FANCI: variants seen among roughly 807,000 people sequenced by gnomAD.
The protein encoded by FANCI is FA complementation group I.
FANCI carries 156 observed loss-of-function variants against 176.1 expected under a neutral mutation model. The ratio of observed to expected loss-of-function variants is 0.89; its 90% CI spans 0.78 to 1.01. The LOEUF is 1.01. Ranked by LOEUF, FANCI falls within the 50% of genes least tolerant of loss-of-function variation. The probability of loss-of-function intolerance (pLI) is 0.00; values close to 1 mark genes in which losing one functional copy is unlikely to be tolerated. For missense variants in FANCI, 1,678 were observed against 1,534.1 expected (o/e 1.09, Z -1.57); for synonymous variants, 613 against 541.7 (o/e 1.13, Z -1.83).
intron 22 of FANCI, 55 bp downstream of exon 22, chr15:89,293,118 C>T (rs1438019380): frequency 1.3e-6 from 2 of 1,583,078 alleles, no homozygotes; most frequent in African/African-American, 1.3e-5. Flanking sequence ...ATTTTATTTA[C>T]ATATTTTTAC....
At position 89,306,180 on chromosome 15, in the gene FANCI, G is replaced by C. The variant is rs1216707895; in HGVS notation, c.3523G>C (p.Ala1175Pro). 6.2e-7 allele frequency: 1 copy of C among 1,614,082 alleles called. No individual in the cohort carries two copies. Among genetic ancestry groups the C allele is most frequent in the South Asian group, 1.1e-5 (1 of 91,086 alleles). Residue 1175 changes from alanine to proline, a missense_variant, in exon 32 of 38, where the codon GCC becomes CCC. Physicochemically the swap from Ala to Pro is conservative, Grantham distance 27. Around this residue, in one of 3 missense-constraint regions of FANCI, gnomAD observed 1,204 missense variants for 1,077.4 expected, o/e 1.12. Transcript: ENST00000310775. ...DLCKMYTTLTALVRYYLQVCQ... is the reference protein window; with the variant it reads ...DLCKMYTTLTPLVRYYLQVCQ... Reference sequence around the variant, plus strand: ...GTGCAAAATGTACACCACACTTACAGCCCTTGTCAGATATGTGAGTATTTG... The same window carrying C: ...GTGCAAAATGTACACCACACTTACACCCCTTGTCAGATATGTGAGTATTTG...
intron 13 of FANCI, among the ~76,000 whole-genome samples, chr15:89,277,630 A>AT (rs34388635): frequency 6.8e-6 from 1 of 146,180 alleles, no homozygotes; most frequent in Non-Finnish European, 1.5e-5. Context: ...AAAAAAAAAA[A>AT]AAGAATCATA....
At position 89,312,816 on chromosome 15, in the gene FANCI, TAA is replaced by T. The variant is rs11321073; in HGVS notation, c.3652-70_3652-69del. The T allele has an allele frequency of 0.12, 104,277 of 839,234 alleles. 175 individuals are homozygous for T. The highest frequency in any genetic ancestry group is 0.18 in the East Asian group (6,094 of 33,190). The allele number at this position is 839,234 out of a possible 1,614,324, so 52.0% of individuals were successfully genotyped here. A position where few individuals can be genotyped will look rare whatever the true frequency, so the allele number is the denominator to read the frequency against. ...CCTGGGTGACAGCAAAGCTCTGTCT[TAA>T]AAAAAAAAAAAAAAAAATTAGCACT... On this transcript the variant is annotated intron_variant, in intron 34 of 37. Transcript: ENST00000310775.
chr15:89,312,958 G>A lies in FANCI; in HGVS notation c.3706G>A (p.Val1236Ile), dbSNP rs377165815. ...TGEKKEKPAA[V>I]ATAMARVLRE... is the part of the protein sequence containing the mutation. ...AGAGAAAAAGGAGAAACCTGCTGCC[G>A]TTGCCACAGCCATGGTAAGCTGCTG... is the stretch of plus-strand genomic sequence containing the variant. The change falls in exon 35 of 38, where the codon GTT (valine) becomes ATT (isoleucine). Residue 1236 changes from valine to isoleucine, a missense_variant. Coordinates refer to ENST00000310775, the MANE Select transcript of FANCI (RefSeq NM_001113378.2). 244 of 1,613,888 alleles carry A rather than the reference G, an allele frequency of 1.5e-4. No homozygotes were observed. Among genetic ancestry groups the A allele is most frequent in the East Asian group, 4.5e-4 (20 of 44,888 alleles).
intron 6 of FANCI, among the ~76,000 whole-genome samples, chr15:89,262,087 A>G (rs1436981393): frequency 6.6e-6 from 1 of 152,160 alleles, no homozygotes; most frequent in East Asian, 1.9e-4. Flanking sequence ...ATATAGTTTT[A>G]TTTGCTTGAC....
At chr15:89,245,352 T>A (rs919713185) in intron 1 of FANCI, 1 of 129,518 alleles carries the variant, frequency 7.7e-6, no homozygotes, top group Non-Finnish European at 1.6e-5. Context: ...TTTTTTTTTT[T>A]TTTTTTTTTT....
chr15:89,291,902 G>A (rs375810561), intron 20 of FANCI, among the ~76,000 whole-genome samples, 188 bp downstream of exon 20: 3 of 152,144 alleles, frequency 2.0e-5, no homozygotes, highest in East Asian at 3.8e-4. Flanking sequence ...TTATCTCCAT[G>A]TTAGCCCTTT....
rs571061651 is a variant in FANCI at position 89,294,893 on chromosome 15, C to T, written c.2457-22C>T. On this transcript the variant is annotated intron_variant, in intron 23 of 37. Transcript: ENST00000310775. ...AGTAAGGGAATCTTCCTTTTTCTTT[C>T]TCTCTCTCTGTCTCTCTCTAGGGAT... 48 of 1,530,428 alleles carry T rather than the reference C, an allele frequency of 3.1e-5. No individual in the cohort carries two copies. In the Admixed American group the frequency reaches 3.2e-4, roughly 10 times the overall value. 94.8% of individuals were successfully genotyped at this position (1,530,428 alleles called of 1,614,324 possible). A position where few individuals can be genotyped will look rare whatever the true frequency, so the allele number is the denominator to read the frequency against.
At chr15:89,315,890 T>C (rs922712229) in intron 37 of FANCI, among the ~76,000 whole-genome samples, 15 of 152,200 alleles carry the variant, frequency 9.9e-5, no homozygotes, top group Admixed American at 7.2e-4. Flanking sequence ...CAGAACCCAA[T>C]GTTTCCTTAC....
chr15:89,307,439 G>A lies in FANCI; in HGVS notation c.3538-37G>A, dbSNP rs779770025. 5.6e-6 allele frequency: 9 copies of A among 1,593,920 alleles called. No homozygotes were observed. In the South Asian group the frequency reaches 6.7e-5, roughly 12 times the overall value. On this transcript the variant is annotated intron_variant, in intron 32 of 37. Transcript: ENST00000310775. ...TGCAGCAGTCACTTGTAGTTTCATA[G>A]GACAGTCTACTAAATCTAGGAATCT...
intron 36 of FANCI, 138 bp downstream of exon 36, chr15:89,314,845 CCCCCT>C: frequency 8.8e-5 from 49 of 555,694 alleles, no homozygotes; most frequent in East Asian, 9.7e-5. Context: ...CTCCCCCCCC[CCCCCT>C]TTTTTTTTTT....
At chr15:89,251,371 T>C (rs1684340248) in intron 2 of FANCI, among the ~76,000 whole-genome samples, 1 of 152,222 alleles carries the variant, frequency 6.6e-6, no homozygotes, top group Admixed American at 6.5e-5. Flanking sequence ...GAAACTTCTG[T>C]CAAACCTTTA....
At chr15:89,317,198 G>GAAAC, downstream of FANCI, 2 of 640,296 alleles carry the variant, frequency 3.1e-6, no homozygotes, top group East Asian at 2.7e-5. Flanking sequence ...CTTCATTTCT[G>GAAAC]AAACATCATA....
At chr15:89,265,263 A>G (rs1303719438) in intron 9 of FANCI, among the ~76,000 whole-genome samples, 1 of 152,172 alleles carries the variant, frequency 6.6e-6, no homozygotes, top group Non-Finnish European at 1.5e-5. Flanking sequence ...GCTGGAGTAC[A>G]TTGGCATGAT....
chr15:89,282,694 CAGTG>C (rs760338743), intron 16 of FANCI: 4 of 235,922 alleles, frequency 1.7e-5, no homozygotes, highest in Non-Finnish European at 3.4e-5. Flanking sequence ...CATTGCGCCT[CAGTG>C]AGAAGACAAG....
chr15:89,294,108 G>T, intron 23 of FANCI, 111 bp downstream of exon 23: 1 of 1,253,578 alleles, frequency 8.0e-7, no homozygotes, highest in African/African-American at 1.5e-5. Context: ...AATAAGTCAG[G>T]AGGTTTTATT....
At chr15:89,247,328 G>A (rs1181366020) in intron 1 of FANCI, among the ~76,000 whole-genome samples, 1 of 152,154 alleles carries the variant, frequency 6.6e-6, no homozygotes, top group African/African-American at 2.4e-5. Context: ...GTTCTAGGTA[G>A]TATGGTGAGT....
Position 89,291,249 on chromosome 15 carries a change from C to A in FANCI, c.1891-364C>A, listed in dbSNP as rs150607190. Among the ~76,000 whole-genome samples, 402 of 152,144 alleles carry A rather than the reference C, an allele frequency of 2.6e-3. 8 individuals are homozygous for A. Among genetic ancestry groups the A allele is most frequent in the East Asian group, 0.015 (77 of 5,186 alleles). Reference sequence around the variant, plus strand: ...TCCTCATTTTTAAGATGAGGAATCACGGTACAGATACTTTTATAAAAACCA... The same window carrying A: ...TCCTCATTTTTAAGATGAGGAATCAAGGTACAGATACTTTTATAAAAACCA... On this transcript the variant is annotated intron_variant, in intron 19 of 37. Coordinates refer to ENST00000310775, the MANE Select transcript of FANCI (RefSeq NM_001113378.2).
intron 20 of FANCI, 29 bp from the exon 21 acceptor site, chr15:89,292,659 G>A (rs1359210276): frequency 6.2e-7 from 1 of 1,606,468 alleles, no homozygotes; most frequent in Non-Finnish European, 8.5e-7. Flanking sequence ...ACACTCAAGA[G>A]TATTTAATTT....
Sources: gnomAD v4.1 joint callset for allele counts (sites outside exome capture counted in the v4.1 genomes callset) on GRCh38, gnomAD v4.1.1 for gene constraint, gnomAD v4.1.1 regional missense constraint, MANE v1.5 for transcripts, NCBI Gene and HGNC (gene_info 2026-07-23, HGNC 2026-07-21) for gene names.